CACNA2D1: variants seen among roughly 807,000 people sequenced by gnomAD.
The protein encoded by CACNA2D1 is calcium voltage-gated channel auxiliary subunit alpha2delta 1, also known as voltage-dependent calcium channel subunit alpha-2/delta-1.
A neutral mutation model predicts 171.5 loss-of-function variants in CACNA2D1; 53 were observed. The ratio of observed to expected loss-of-function variants is 0.31; its 90% CI spans 0.25 to 0.39. The LOEUF (loss-of-function observed/expected upper bound fraction) is 0.39, where lower values mean the gene tolerates loss of function less well. CACNA2D1 is among the 10% of genes least tolerant of loss of function. The pLI is 1.00. For missense variants in CACNA2D1, 903 were observed against 1,299.8 expected, an observed-to-expected ratio of 0.69 and a Z score of 4.69; for synonymous variants, 442 against 443.1, an observed-to-expected ratio of 1.00 and a Z score of 0.03.
chr7:82,002,042 A>AAGAGAG (rs1209791097), intron 18 of CACNA2D1, among the ~76,000 whole-genome samples: 2 of 140,860 alleles, frequency 1.4e-5, no homozygotes, highest in Admixed American at 7.1e-5. Context: ...AAAAAAAAAA[A>AAGAGAG]AGAGAGAGAG....
At chr7:82,398,431 T>C (rs751120553) in intron 1 of CACNA2D1, among the ~76,000 whole-genome samples, 1 of 152,196 alleles carries the variant, frequency 6.6e-6, no homozygotes, top group African/African-American at 2.4e-5. Context: ...AGTAAATACA[T>C]ATGTGTGTAT....
chr7:81,955,918 G>A (rs1312927551), intron 38 of CACNA2D1, among the ~76,000 whole-genome samples: 1 of 78,522 alleles, frequency 1.3e-5, no homozygotes, highest in African/African-American at 5.0e-5. Flanking sequence ...GGGGGGGGGG[G>A]GGTGGTGGTC....
At chr7:82,051,040 T>C (rs1457449780) in intron 10 of CACNA2D1, 1 of 171,504 alleles carries the variant, frequency 5.8e-6, no homozygotes, top group Admixed American at 5.7e-5. Flanking sequence ...GGATAACGTG[T>C]TGGCAGGATC....
intron 3 of CACNA2D1, among the ~76,000 whole-genome samples, chr7:82,207,528 T>TA (rs80020757): frequency 0.098 from 14,295 of 146,422 alleles, 743 homozygotes; most frequent in Non-Finnish European, 0.11. Context: ...GATTTGAGGT[T>TA]AAAAAAAAAA....
chr7:81,965,993 T>A (rs1246244301), intron 31 of CACNA2D1, among the ~76,000 whole-genome samples: 1 of 151,656 alleles, frequency 6.6e-6, no homozygotes, highest in Admixed American at 6.6e-5. Context: ...GAAAATTATT[T>A]AATAATGAGT....
At chr7:82,289,748 G>A (rs1289786056) in intron 3 of CACNA2D1, among the ~76,000 whole-genome samples, 1 of 152,182 alleles carries the variant, frequency 6.6e-6, no homozygotes, top group Non-Finnish European at 1.5e-5. Flanking sequence ...TTTTAAACGT[G>A]ACTGAAAAGG....
At chr7:82,346,541 A>G (rs1027648180) in intron 2 of CACNA2D1, among the ~76,000 whole-genome samples, 5 of 152,156 alleles carry the variant, frequency 3.3e-5, no homozygotes, top group African/African-American at 9.7e-5. Flanking sequence ...GACCATGAAG[A>G]AAAAAATCAG....
At chr7:82,436,873 G>A (rs868041681) in intron 1 of CACNA2D1, among the ~76,000 whole-genome samples, 2 of 152,176 alleles carry the variant, frequency 1.3e-5, no homozygotes, top group African/African-American at 4.8e-5. Flanking sequence ...CCTTCACATA[G>A]TTTGACAGTA....
chr7:82,383,495 G>A (rs987824913), intron 1 of CACNA2D1, among the ~76,000 whole-genome samples: 2 of 152,182 alleles, frequency 1.3e-5, no homozygotes, highest in African/African-American at 4.8e-5. Flanking sequence ...ACAGAAGAAT[G>A]ATGTTATTTA....
chr7:82,145,277 A>G (rs1453175281), intron 4 of CACNA2D1, among the ~76,000 whole-genome samples: 1 of 145,760 alleles, frequency 6.9e-6, no homozygotes, highest in Non-Finnish European at 1.5e-5. Flanking sequence ...TATATAAAAT[A>G]AAATAAAAAA....
intron 12 of CACNA2D1, chr7:82,023,964 T>C (rs1388820206): frequency 6.6e-6 from 1 of 151,814 alleles, no homozygotes; most frequent in Non-Finnish European, 1.5e-5. Context: ...TCAAGGTTCA[T>C]CCAGGTTTGC....
intron 1 of CACNA2D1, among the ~76,000 whole-genome samples, chr7:82,402,412 G>GA (rs758930715): frequency 1.3e-4 from 20 of 152,022 alleles, no homozygotes; most frequent in African/African-American, 3.6e-4. Flanking sequence ...GGAGAGACTT[G>GA]AAAAAATCTG....
rs185111723 is a variant in CACNA2D1 at position 82,203,410 on chromosome 7, A to G, written c.295-32801T>C. ...AGCTTGCCTTCACGGGAGGGCGACAATGAACTTTCACAGTGTTGCTGCAGG... is the reference window on the plus strand; with the variant it reads ...AGCTTGCCTTCACGGGAGGGCGACAGTGAACTTTCACAGTGTTGCTGCAGG... On this transcript the variant is annotated intron_variant, in intron 3 of 38. Coordinates refer to ENST00000356860, the MANE Select transcript of CACNA2D1 (RefSeq NM_000722.4). Among the ~76,000 whole-genome samples, 5 of 152,254 alleles carry G rather than the reference A, an allele frequency of 3.3e-5. No homozygotes were observed. The East Asian group carries it at 7.8e-4, about 24-fold the overall frequency.
intron 10 of CACNA2D1, among the ~76,000 whole-genome samples, chr7:82,060,060 T>TTTATGGC: frequency 2.9e-5 from 3 of 104,444 alleles, no homozygotes; most frequent in African/African-American, 1.1e-4. Flanking sequence ...GACGAGTTAA[T>TTTATGGC]AGGTGCAGCA....
rs1562792658 is a variant in CACNA2D1 at position 81,967,582 on chromosome 7, TA to T, written c.2463+13del. ...CATTAAACATAGCATAAGAATTTTT[TA>T]AAAATATCTTACCGGATCTCTGATT... is the stretch of plus-strand genomic sequence containing the variant. On this transcript the variant is annotated intron_variant, in intron 30 of 38. Transcript: ENST00000356860. 7.1e-7 allele frequency: 1 copy of T among 1,400,960 alleles called. No individual in the cohort carries two copies. Among genetic ancestry groups the T allele is most frequent in the Non-Finnish European group, 1.0e-6 (1 of 996,908 alleles). 86.8% of individuals were successfully genotyped at this position (1,400,960 alleles called of 1,614,324 possible). A position where few individuals can be genotyped will look rare whatever the true frequency, so the allele number is the denominator to read the frequency against.
At chr7:82,139,246 T>A (rs1381518636) in intron 4 of CACNA2D1, among the ~76,000 whole-genome samples, 1 of 152,132 alleles carries the variant, frequency 6.6e-6, no homozygotes, top group East Asian at 1.9e-4. Flanking sequence ...TATTTCCTAG[T>A]AATAAAATAT....
chr7:82,039,398 T>A (rs747439717), intron 10 of CACNA2D1, among the ~76,000 whole-genome samples: 2 of 152,166 alleles, frequency 1.3e-5, no homozygotes, highest in Non-Finnish European at 2.9e-5. Flanking sequence ...CAGACATAAT[T>A]ATCTGCACAC....
At chr7:82,380,058 T>C (rs2040977) in intron 1 of CACNA2D1, among the ~76,000 whole-genome samples, 11,456 of 152,134 alleles carry the variant, frequency 0.075, 1,345 homozygotes, top group African/African-American at 0.25. Context: ...CTCTCCACTA[T>C]AGCATTACTT....
chr7:82,041,569 GAA>G (rs1289514707), intron 10 of CACNA2D1, among the ~76,000 whole-genome samples: 4 of 152,046 alleles, frequency 2.6e-5, no homozygotes, highest in Non-Finnish European at 5.9e-5. Context: ...TGTTTATTTT[GAA>G]CAAGACTTTC....
Sources: gnomAD v4.1 joint callset for allele counts (sites outside exome capture counted in the v4.1 genomes callset) on GRCh38, gnomAD v4.1.1 for gene constraint, MANE v1.5 for transcripts, NCBI Gene and HGNC (gene_info 2026-07-23, HGNC 2026-07-21) for gene names.